Variants in TBCA observed in about 807,000 individuals in gnomAD.
TBCA encodes the protein tubulin folding cofactor A, also known as tubulin-specific chaperone A.
Under a neutral mutation model 15.8 loss-of-function variants are expected in TBCA, and 6 were observed. That is an observed-to-expected ratio of 0.38 (90% CI 0.21 to 0.75). The LOEUF (loss-of-function observed/expected upper bound fraction) is 0.75, where lower values mean the gene tolerates loss of function less well. TBCA is among the 30% of genes least tolerant of loss of function. TBCA has a pLI of 0.46. For synonymous variants in TBCA, 32 were observed against 42.3 expected (o/e 0.76, Z 0.94); for missense variants, 90 against 131.2 (o/e 0.69, Z 1.53).
At chr5:77,727,544 T>C (rs1182457958) in intron 1 of TBCA, among the ~76,000 whole-genome samples, 2 of 152,106 alleles carry the variant, frequency 1.3e-5, no homozygotes, top group Non-Finnish European at 2.9e-5. Context: ...CTCAGGTAAA[T>C]GTATTATCAG....
intron 1 of TBCA, among the ~76,000 whole-genome samples, chr5:77,717,291 A>G (rs1490481718): frequency 6.6e-6 from 1 of 152,370 alleles, no homozygotes; most frequent in East Asian, 1.9e-4. Context: ...AGTCACTAAC[A>G]GCAGAAGATT....
At chr5:77,728,469 T>C (rs907208712) in intron 1 of TBCA, among the ~76,000 whole-genome samples, 1 of 151,954 alleles carries the variant, frequency 6.6e-6, no homozygotes, top group Non-Finnish European at 1.5e-5. Flanking sequence ...AAAGGAACAA[T>C]CATAAAAAAT....
chr5:77,725,372 C>G (rs1489510876), intron 1 of TBCA, among the ~76,000 whole-genome samples: 1 of 152,212 alleles, frequency 6.6e-6, no homozygotes, highest in Non-Finnish European at 1.5e-5. Flanking sequence ...TGGACCAAGT[C>G]AGGTGGTAAA....
intron 1 of TBCA, among the ~76,000 whole-genome samples, chr5:77,774,553 C>G (rs1167892761): frequency 1.3e-5 from 2 of 152,186 alleles, no homozygotes; most frequent in Non-Finnish European, 2.9e-5. Context: ...CAACGAACTG[C>G]CAATTGGAAA....
At chr5:77,719,389 A>G (rs576706531) in intron 1 of TBCA, among the ~76,000 whole-genome samples, 1 of 152,322 alleles carries the variant, frequency 6.6e-6, no homozygotes, top group East Asian at 1.9e-4. Flanking sequence ...AAAAGAATAT[A>G]CTGTGAAAAG....
chr5:77,719,449 C>A (rs187576192), intron 1 of TBCA, among the ~76,000 whole-genome samples: 62 of 152,196 alleles, frequency 4.1e-4, no homozygotes, highest in African/African-American at 1.4e-3. Flanking sequence ...TTCCCACCAC[C>A]GGAAGCAACA....
intron 2 of TBCA, among the ~76,000 whole-genome samples, chr5:77,704,592 G>A (rs943894211): frequency 1.3e-5 from 2 of 152,100 alleles, no homozygotes; most frequent in African/African-American, 4.8e-5. Flanking sequence ...CACAATAAAT[G>A]TTAAGAAAAC....
chr5:77,718,333 G>T (rs566771023), intron 1 of TBCA, among the ~76,000 whole-genome samples: 1 of 152,296 alleles, frequency 6.6e-6, no homozygotes, highest in African/African-American at 2.4e-5. Context: ...GAATTAAGTA[G>T]CTAGATACTA....
At chr5:77,710,854 A>G (rs573048971) in intron 1 of TBCA, among the ~76,000 whole-genome samples, 3 of 152,220 alleles carry the variant, frequency 2.0e-5, no homozygotes, top group Non-Finnish European at 4.4e-5. Flanking sequence ...TCATTATATA[A>G]TCATGATCAT....
At chr5:77,765,122 A>G (rs1446001790) in intron 1 of TBCA, among the ~76,000 whole-genome samples, 1 of 152,200 alleles carries the variant, frequency 6.6e-6, no homozygotes. Context: ...ACTATTTTAC[A>G]TTTTTGCAAA....
chr5:77,729,189 C>CT (rs1402634680), intron 1 of TBCA, among the ~76,000 whole-genome samples: 1 of 151,992 alleles, frequency 6.6e-6, no homozygotes, highest in African/African-American at 2.4e-5. Flanking sequence ...TGGTGCACGC[C>CT]TGTAAGCCTA....
At chr5:77,759,179 G>A (rs1747547353) in intron 1 of TBCA, among the ~76,000 whole-genome samples, 1 of 152,158 alleles carries the variant, frequency 6.6e-6, no homozygotes, top group Non-Finnish European at 1.5e-5. Flanking sequence ...TGGAAGGGCA[G>A]GACAAATCAA....
chr5:77,761,217 AAG>A (rs1183014393), intron 1 of TBCA, among the ~76,000 whole-genome samples: 1 of 151,976 alleles, frequency 6.6e-6, no homozygotes, highest in African/African-American at 2.4e-5. Flanking sequence ...GGGGAAAAGA[AAG>A]AGAGATCAGA....
intron 1 of TBCA, among the ~76,000 whole-genome samples, chr5:77,749,477 C>A (rs570999953): frequency 5.1e-4 from 77 of 152,336 alleles, no homozygotes; most frequent in African/African-American, 1.6e-3. Flanking sequence ...CTAGTGTCTA[C>A]ACATATTTCA....
intron 1 of TBCA, among the ~76,000 whole-genome samples, chr5:77,739,627 TA>T (rs1422474595): frequency 6.6e-6 from 1 of 152,170 alleles, no homozygotes; most frequent in African/African-American, 2.4e-5. Flanking sequence ...ATATAACAGC[TA>T]AATAAAAACT....
intron 1 of TBCA, among the ~76,000 whole-genome samples, chr5:77,765,584 C>T (rs775328330): frequency 6.6e-6 from 1 of 152,124 alleles, no homozygotes; most frequent in Non-Finnish European, 1.5e-5. Flanking sequence ...CCCCCTTTTC[C>T]TCTCTTTCAC....
At chr5:77,735,369 A>G (rs1746876481) in intron 1 of TBCA, among the ~76,000 whole-genome samples, 1 of 152,192 alleles carries the variant, frequency 6.6e-6, no homozygotes, top group African/African-American at 2.4e-5. Context: ...TTATCTACCG[A>G]GACATGCCTC....
chr5:77,770,619 A>G (rs917014385), intron 1 of TBCA, among the ~76,000 whole-genome samples: 25 of 152,106 alleles, frequency 1.6e-4, no homozygotes, highest in African/African-American at 5.6e-4. Context: ...GTGCTGGGGG[A>G]AAAAACTGAG....
intron 2 of TBCA, among the ~76,000 whole-genome samples, chr5:77,703,931 T>A (rs964645188): frequency 6.3e-5 from 8 of 126,808 alleles, no homozygotes; most frequent in African/African-American, 2.3e-4. Context: ...GTGAGTGAGT[T>A]CTCATGAGAT....
Sources: gnomAD v4.1 joint callset for allele counts (sites outside exome capture counted in the v4.1 genomes callset) on GRCh38, gnomAD v4.1.1 for gene constraint, MANE v1.5 for transcripts, NCBI Gene and HGNC (gene_info 2026-07-23, HGNC 2026-07-21) for gene names.